STPG2: variants seen among roughly 807,000 people sequenced by gnomAD.
The protein encoded by STPG2 is sperm tail PG-rich repeat containing 2, also known as sperm-tail PG-rich repeat-containing protein 2.
Under a neutral mutation model 54.2 loss-of-function variants are expected in STPG2, and 56 were observed. The ratio of observed to expected loss-of-function variants is 1.03; its 90% CI spans 0.83 to 1.29. STPG2 has a LOEUF of 1.29. STPG2 is among the 50% of genes most tolerant of loss of function. The pLI is 0.00. For missense variants in STPG2, 596 were observed against 544.9 expected, an observed-to-expected ratio of 1.09 and a Z score of -0.93; for synonymous variants, 200 against 181.8, an observed-to-expected ratio of 1.10 and a Z score of -0.81.
rs548969232 is a variant in STPG2 at position 97,664,200 on chromosome 4, T to C, written c.1320+48499A>G. Among the ~76,000 whole-genome samples the C allele has an allele frequency of 3.3e-5, 5 of 152,330 alleles. No individual in the cohort carries two copies. The East Asian group carries it at 7.7e-4, about 24-fold the overall frequency. ...CTTCACAAAACCCCAAAAATGTAGA[T>C]GCAATTATTACTTGCATTTCACAAA... On this transcript the variant is annotated intron_variant, in intron 10 of 10. Coordinates refer to ENST00000295268, the MANE Select transcript of STPG2 (RefSeq NM_174952.3).
chr4:97,599,873 T>C (rs969040158), intron 10 of STPG2, among the ~76,000 whole-genome samples: 1 of 146,384 alleles, frequency 6.8e-6, no homozygotes, highest in Admixed American at 6.8e-5. Context: ...GAAAAGAAAA[T>C]GTGGCACATA....
In STPG2 at chr4:98,028,282, T is replaced by A. The variant is rs555410442; in HGVS notation, c.613-46964A>T. Among the ~76,000 whole-genome samples the A allele has an allele frequency of 2.0e-5, 3 of 152,348 alleles. No individual in the cohort carries two copies. In the South Asian group the frequency reaches 6.2e-4, roughly 32 times the overall value. On this transcript the variant is annotated intron_variant, in intron 5 of 10. Transcript: ENST00000295268. The stretch of plus-strand genomic sequence containing the variant: ...CATCAAGTCCTGGTTTCTTTTGGCT[T>A]AACAGTTCTTCCTTCAATTTGTGCT...
intron 8 of STPG2, among the ~76,000 whole-genome samples, chr4:97,918,731 C>T (rs1448298443): frequency 6.6e-6 from 1 of 152,018 alleles, no homozygotes; most frequent in Non-Finnish European, 1.5e-5. Flanking sequence ...AACCAAACAT[C>T]CTATGTTCTC....
intron 10 of STPG2, among the ~76,000 whole-genome samples, chr4:97,577,575 A>G (rs973621313): frequency 4.6e-5 from 7 of 152,120 alleles, no homozygotes; most frequent in Admixed American, 3.9e-4. Flanking sequence ...CACTGGGACT[A>G]TTAGAGAGGG....
At chr4:98,086,436 G>C (rs572890648) in intron 5 of STPG2, among the ~76,000 whole-genome samples, 1 of 151,962 alleles carries the variant, frequency 6.6e-6, no homozygotes, top group Non-Finnish European at 1.5e-5. Context: ...AAAGCACTCT[G>C]CTTCATATAT....
At chr4:97,951,509 TC>T (rs1157831859) in intron 7 of STPG2, among the ~76,000 whole-genome samples, 2 of 152,138 alleles carry the variant, frequency 1.3e-5, no homozygotes, top group Non-Finnish European at 2.9e-5. Flanking sequence ...TATTTCTTTT[TC>T]CCCCCTTAAG....
At chr4:97,744,725 A>C (rs952505933) in intron 9 of STPG2, among the ~76,000 whole-genome samples, 2 of 151,358 alleles carry the variant, frequency 1.3e-5, no homozygotes, top group Non-Finnish European at 1.5e-5. Flanking sequence ...AAAATACAAC[A>C]ATGATAACAC....
intron 10 of STPG2, among the ~76,000 whole-genome samples, chr4:97,648,309 A>T (rs1026786651): frequency 2.6e-5 from 4 of 152,130 alleles, no homozygotes; most frequent in African/African-American, 9.7e-5. Flanking sequence ...ATCTGCTGCA[A>T]TATGCAGATC....
intron 4 of STPG2, among the ~76,000 whole-genome samples, chr4:97,530,468 C>A (rs1271333039): frequency 6.6e-6 from 1 of 151,724 alleles, no homozygotes; most frequent in Non-Finnish European, 1.5e-5. Context: ...CATTTTAAAT[C>A]TTTTAGGGAA....
At chr4:97,968,357 G>C (rs1446419858) in intron 7 of STPG2, among the ~76,000 whole-genome samples, 1 of 152,136 alleles carries the variant, frequency 6.6e-6, no homozygotes, top group African/African-American at 2.4e-5. Flanking sequence ...TCTACCAGAG[G>C]TAAAAAGAGG....
At chr4:98,017,810 G>C (rs1578784265) in intron 5 of STPG2, among the ~76,000 whole-genome samples, 1 of 152,070 alleles carries the variant, frequency 6.6e-6, no homozygotes, top group African/African-American at 2.4e-5. Context: ...CTATTCTCAT[G>C]ATAGTGAGGG....
chr4:97,532,918 T>C (rs1194825705), intron 4 of STPG2, among the ~76,000 whole-genome samples: 1 of 152,204 alleles, frequency 6.6e-6, no homozygotes. Context: ...AGTTTCGCTC[T>C]GTCACCCAGG....
At chr4:97,508,102 C>G (rs1730891841) in intron 4 of STPG2, among the ~76,000 whole-genome samples, 1 of 151,974 alleles carries the variant, frequency 6.6e-6, no homozygotes, top group African/African-American at 2.4e-5. Context: ...TTCTATCATT[C>G]AGGAAATTCC....
chr4:97,857,846 T>C (rs1052322949), intron 8 of STPG2, among the ~76,000 whole-genome samples: 1 of 151,946 alleles, frequency 6.6e-6, no homozygotes, highest in Non-Finnish European at 1.5e-5. Context: ...AAAGAGATTA[T>C]AATAATTTAA....
intron 10 of STPG2, among the ~76,000 whole-genome samples, chr4:97,582,111 C>T (rs28461772): frequency 2.0e-5 from 3 of 151,940 alleles, no homozygotes; most frequent in South Asian, 2.1e-4. Flanking sequence ...GGAACCACCC[C>T]CTCTGCCCCA....
chr4:97,833,858 AAC>A (rs2149114910), intron 9 of STPG2, among the ~76,000 whole-genome samples: 1 of 152,188 alleles, frequency 6.6e-6, no homozygotes, highest in East Asian at 1.9e-4. Context: ...AGTCAGGAAA[AAC>A]ACAGATGTTG....
At chr4:97,840,159 T>C (rs1728753297) in intron 9 of STPG2, among the ~76,000 whole-genome samples, 1 of 151,564 alleles carries the variant, frequency 6.6e-6, no homozygotes, top group Non-Finnish European at 1.5e-5. Context: ...ATATAGCTTC[T>C]TTCTTTATAT....
At chr4:97,582,760 C>G (rs4512001) in intron 10 of STPG2, among the ~76,000 whole-genome samples, 2 of 151,888 alleles carry the variant, frequency 1.3e-5, no homozygotes, top group African/African-American at 4.8e-5. Flanking sequence ...AGTAGTAATC[C>G]TAAAAGCTAT....
In STPG2 at chr4:97,927,252, A is replaced by T. The variant is rs568642406; in HGVS notation, c.1044+16645T>A. Reference sequence around the variant, plus strand: ...CTGATAAGTGATACAAAGGTAGCACAAATTGTTCACTAAATAATTCTAAGA... The same window carrying T: ...CTGATAAGTGATACAAAGGTAGCACTAATTGTTCACTAAATAATTCTAAGA... On this transcript the variant is annotated intron_variant, in intron 8 of 10. Coordinates refer to ENST00000295268, the MANE Select transcript of STPG2 (RefSeq NM_174952.3). Among the ~76,000 whole-genome samples the T allele has an allele frequency of 2.0e-5, 3 of 152,262 alleles. No homozygotes were observed. In the East Asian group the frequency reaches 5.8e-4, roughly 29 times the overall value.
Sources: allele counts gnomAD v4.1 joint callset (sites outside exome capture counted in the v4.1 genomes callset), GRCh38; gene constraint gnomAD v4.1.1; transcripts MANE v1.5; gene names NCBI Gene and HGNC (gene_info 2026-07-23, HGNC 2026-07-21).